The following PIEZO2 variants were observed in gnomAD, a reference collection of about 807,000 sequenced individuals.
The protein encoded by PIEZO2 is piezo type mechanosensitive ion channel component 2, also known as piezo-type mechanosensitive ion channel component 2.
A neutral mutation model predicts 337.3 loss-of-function variants in PIEZO2; 172 were observed. The ratio of observed to expected loss-of-function variants is 0.51; its 90% CI spans 0.45 to 0.58. The LOEUF (loss-of-function observed/expected upper bound fraction) is 0.58. PIEZO2 is among the 20% of genes least tolerant of loss of function. The pLI is 0.00. For synonymous variants in PIEZO2, 1,251 were observed against 1,228.5 expected (o/e 1.02, Z -0.38); for missense variants, 3,028 against 3,391.3 (o/e 0.89, Z 2.66).
chr18:11,060,119 A>T (rs1461331986), intron 2 of PIEZO2, among the ~76,000 whole-genome samples: 1 of 152,194 alleles, frequency 6.6e-6, no homozygotes, highest in Non-Finnish European at 1.5e-5. Flanking sequence ...AAAACCACTC[A>T]ACTACCTGGA....
intron 27 of PIEZO2, among the ~76,000 whole-genome samples, chr18:10,753,297 C>A (rs9961804): frequency 0.016 from 2,501 of 152,128 alleles, 62 homozygotes; most frequent in African/African-American, 0.049. Flanking sequence ...GAACACAAAG[C>A]TTTTATTAGA....
intron 3 of PIEZO2, among the ~76,000 whole-genome samples, chr18:10,918,253 A>G (rs2145119376): frequency 6.6e-6 from 1 of 152,292 alleles, no homozygotes; most frequent in South Asian, 2.1e-4. Flanking sequence ...TAATTGTAAA[A>G]GAGATAAGAC....
At chr18:11,014,195 G>C (rs147272813) in intron 2 of PIEZO2, among the ~76,000 whole-genome samples, 1,890 of 151,960 alleles carry the variant, frequency 0.012, 44 homozygotes, top group African/African-American at 0.043. Context: ...ACGTCACCCT[G>C]GGTGGGACAG....
chr18:11,056,047 T>C lies in PIEZO2; in HGVS notation c.160+10080A>G, dbSNP rs1405369121. Among the ~76,000 whole-genome samples the C allele has an allele frequency of 3.9e-5, 6 of 152,300 alleles. No individual in the cohort carries two copies. The South Asian group carries it at 1.2e-3, about 32-fold the overall frequency. ...GGGGCAATTCCCTTGCAGGGATACC[T>C]GGCAGGGAGTGAGGAAATCCAGACC... On this transcript the variant is annotated intron_variant, in intron 2 of 55. Coordinates refer to ENST00000674853, the MANE Select transcript of PIEZO2 (RefSeq NM_001378183.1).
rs2041887569 is a variant in PIEZO2 at position 10,862,025 on chromosome 18, A to T, written c.493-4814T>A. Among the ~76,000 whole-genome samples the T allele has an allele frequency of 6.6e-6, 1 of 152,132 alleles. No individual in the cohort carries two copies. The highest frequency in any genetic ancestry group is 2.1e-4 in the South Asian group (1 of 4,830). Reference sequence around the variant, plus strand: ...AGAATGAGACTCAATCTCAAAAAAAAAATTAATAAATAAAACAAAATAATA... The same window carrying T: ...AGAATGAGACTCAATCTCAAAAAAATAATTAATAAATAAAACAAAATAATA... On this transcript the variant is annotated intron_variant, in intron 5 of 55. Transcript: ENST00000674853. This position sits in a 1 kb window ranked among gnomAD's most constrained non-coding sequence, Gnocchi z 4.4.
At chr18:10,907,414 G>C (rs546045276) in intron 4 of PIEZO2, among the ~76,000 whole-genome samples, 1 of 151,192 alleles carries the variant, frequency 6.6e-6, no homozygotes, top group African/African-American at 2.4e-5. Context: ...CTGCATTCCA[G>C]TCTGGGCAAC....
In PIEZO2 at chr18:10,727,184, T is replaced by C. The variant is rs891695289; in HGVS notation, c.5029+4223A>G. On this transcript the variant is annotated intron_variant, in intron 36 of 55. Coordinates refer to ENST00000674853, the MANE Select transcript of PIEZO2 (RefSeq NM_001378183.1). The surrounding 1 kb of genome is among the most constrained non-coding windows in gnomAD (Gnocchi z 6.3). ...TGAGTCGCCCTCCTGCCTCCAGCTC[T>C]GTGTTGAGCAGAGGGAAGGCATGGG... The C allele has an allele frequency of 1.1e-5, 4 of 362,984 alleles. No individual in the cohort carries two copies. The highest frequency in any genetic ancestry group is 1.5e-5 in the Non-Finnish European group (3 of 204,922). 22.5% of individuals were successfully genotyped at this position (362,984 alleles called of 1,614,324 possible). A position where few individuals can be genotyped will look rare whatever the true frequency, so the allele number is the denominator to read the frequency against.
In PIEZO2 at chr18:11,148,680, C is replaced by G; in HGVS notation, c.-92G>C. ...AGGCCCATGCCCGTCTATGGCCTCTCGCCGCCGGCAGCTCGCAGCCACCCG... is the reference window on the plus strand; with the variant it reads ...AGGCCCATGCCCGTCTATGGCCTCTGGCCGCCGGCAGCTCGCAGCCACCCG... On this transcript the variant is annotated 5_prime_UTR_variant, in exon 1 of 56. Transcript: ENST00000674853. The surrounding 1 kb of genome is among the most constrained non-coding windows in gnomAD (Gnocchi z 5.2). 2.9e-6 allele frequency: 4 copies of G among 1,366,240 alleles called. No individual in the cohort carries two copies. Among genetic ancestry groups the G allele is most frequent in the Non-Finnish European group, 4.0e-6 (4 of 1,000,912 alleles). The allele number at this position is 1,366,240 out of a possible 1,614,324, so 84.6% of individuals were successfully genotyped here.
At chr18:10,714,044 C>A (rs2035918055) in intron 39 of PIEZO2, among the ~76,000 whole-genome samples, 1 of 152,180 alleles carries the variant, frequency 6.6e-6, no homozygotes, top group South Asian at 2.1e-4. Flanking sequence ...AGCTAAACCA[C>A]ATGATTTTGG....
intron 18 of PIEZO2, among the ~76,000 whole-genome samples, chr18:10,778,301 A>C (rs2038858177): frequency 1.3e-5 from 2 of 151,752 alleles, no homozygotes; most frequent in Non-Finnish European, 1.5e-5. Flanking sequence ...GGCTTGTTTG[A>C]TAACGTTTCC....
intron 36 of PIEZO2, chr18:10,728,580 A>G (rs1382606259): frequency 6.6e-6 from 1 of 152,186 alleles, no homozygotes; most frequent in Non-Finnish European, 1.5e-5. Flanking sequence ...GAATGATATG[A>G]TTTTATAAAT....
chr18:11,106,418 C>CTCTTTT, intron 1 of PIEZO2, among the ~76,000 whole-genome samples: 1 of 129,602 alleles, frequency 7.7e-6, no homozygotes, highest in African/African-American at 3.1e-5. Context: ...TTTCCTCTCT[C>CTCTTTT]TTTTTTTTTT....
At chr18:10,765,478 T>G (rs1045906278) in intron 21 of PIEZO2, among the ~76,000 whole-genome samples, 2 of 152,182 alleles carry the variant, frequency 1.3e-5, no homozygotes, top group Non-Finnish European at 2.9e-5. Flanking sequence ...AAGTCTCTCA[T>G]GATCATATCT....
At chr18:10,959,991 A>C (rs2033697196) in intron 3 of PIEZO2, among the ~76,000 whole-genome samples, 1 of 152,134 alleles carries the variant, frequency 6.6e-6, no homozygotes, top group Non-Finnish European at 1.5e-5. Flanking sequence ...GGAACCTTAA[A>C]TTTATTTTAT....
chr18:11,096,359 A>G lies in PIEZO2; in HGVS notation c.65-30137T>C, dbSNP rs966380300. On this transcript the variant is annotated intron_variant, in intron 1 of 55. Coordinates refer to ENST00000674853, the MANE Select transcript of PIEZO2 (RefSeq NM_001378183.1). The surrounding 1 kb of genome is among the most constrained non-coding windows in gnomAD (Gnocchi z 4.6). ...TAATTTGCTTGGCTTTGAATGCTGA[A>G]TCTTGTCCAAAGGCATCAGGCTTAC... Among the ~76,000 whole-genome samples, 3 of 152,242 alleles carry G rather than the reference A, an allele frequency of 2.0e-5. No homozygotes were observed. The highest frequency in any genetic ancestry group is 4.4e-5 in the Non-Finnish European group (3 of 68,046).
rs890417469 is a variant in PIEZO2, at chr18:10,682,373, G to A, written c.7498-81C>T. 1.0e-5 allele frequency: 13 copies of A among 1,261,278 alleles called. No individual in the cohort carries two copies. The African/African-American group carries it at 1.8e-4, about 17-fold the overall frequency. The allele number at this position is 1,261,278 out of a possible 1,614,324, so 78.1% of individuals were successfully genotyped here. ...GCAGCGGGATTGGGGGAGAGCGAGTGCTCTTCCTGTGGTGCTGGGAACATG... is the reference window on the plus strand; with the variant it reads ...GCAGCGGGATTGGGGGAGAGCGAGTACTCTTCCTGTGGTGCTGGGAACATG... On this transcript the variant is annotated intron_variant, in intron 49 of 55. Transcript: ENST00000674853. The surrounding 1 kb of genome is among the most constrained non-coding windows in gnomAD (Gnocchi z 5.6).
At chr18:10,695,265 G>A (rs780852965) in intron 47 of PIEZO2, among the ~76,000 whole-genome samples, 6 of 152,224 alleles carry the variant, frequency 3.9e-5, no homozygotes, top group Admixed American at 1.3e-4. Context: ...CAGAGATCTC[G>A]AGAGTAAGGA....
At chr18:10,826,636 A>G (rs568979104) in intron 7 of PIEZO2, among the ~76,000 whole-genome samples, 11 of 152,260 alleles carry the variant, frequency 7.2e-5, no homozygotes, top group Admixed American at 6.5e-4. Context: ...GAAATAACAC[A>G]TTGTTTATAT....
Position 11,128,983 on chromosome 18 carries a change from A to T in PIEZO2, c.64+19542T>A, listed in dbSNP as rs2040262655. On this transcript the variant is annotated intron_variant, in intron 1 of 55. Transcript: ENST00000674853. This position sits in a 1 kb window ranked among gnomAD's most constrained non-coding sequence, Gnocchi z 4.1. ...TTTAATGTTGCAGATCAGGGAGTTA[A>T]AAAAGGTTCTAATAGTTTATTTGCT... Among the ~76,000 whole-genome samples the T allele has an allele frequency of 6.6e-6, 1 of 152,182 alleles. No homozygotes were observed. The highest frequency in any genetic ancestry group is 1.5e-5 in the Non-Finnish European group (1 of 68,028).
Sources: gnomAD v4.1 joint callset for allele counts (sites outside exome capture counted in the v4.1 genomes callset) on GRCh38, gnomAD v4.1.1 for gene constraint, Gnocchi (gnomAD v3.1) non-coding constraint, MANE v1.5 for transcripts, NCBI Gene and HGNC (gene_info 2026-07-23, HGNC 2026-07-21) for gene names.